ENTREP2: variants seen among roughly 807,000 people sequenced by gnomAD.
ENTREP2 encodes the protein protein ENTREP2.
At chr15:29,301,484 A>G in the ENTREP2 span, among the ~76,000 whole-genome samples, 3 of 152,252 alleles carry the variant, frequency 2.0e-5, no homozygotes, top group African/African-American at 4.8e-5. Context: ...AATAGGCAGT[A>G]TAACAGAGTT....
At chr15:29,261,786 A>G in the ENTREP2 span, among the ~76,000 whole-genome samples, 1 of 152,200 alleles carries the variant, frequency 6.6e-6, no homozygotes, top group Non-Finnish European at 1.5e-5. Flanking sequence ...AACAGATATT[A>G]GGAAATATTT....
the ENTREP2 span, among the ~76,000 whole-genome samples, chr15:29,628,214 T>C: frequency 1.3e-5 from 2 of 152,228 alleles, no homozygotes; most frequent in South Asian, 4.1e-4. Flanking sequence ...TGATCTGCAT[T>C]TCTCTAGTAA....
chr15:29,571,021 C>T, the ENTREP2 span, among the ~76,000 whole-genome samples: 3 of 145,848 alleles, frequency 2.1e-5, no homozygotes, highest in Admixed American at 2.0e-4. Flanking sequence ...AGCGCGGGCG[C>T]GAGCCGCCGC....
At chr15:29,320,635 G>C in the ENTREP2 span, among the ~76,000 whole-genome samples, 3 of 152,130 alleles carry the variant, frequency 2.0e-5, no homozygotes, top group Non-Finnish European at 4.4e-5. Flanking sequence ...GGGAAAAATG[G>C]ACAAATATGC....
At chr15:29,521,915 G>A in the ENTREP2 span, among the ~76,000 whole-genome samples, 1 of 152,098 alleles carries the variant, frequency 6.6e-6, no homozygotes. Context: ...TGTGGTGTTG[G>A]CATCAAGACA....
At chr15:29,215,681 C>T in the ENTREP2 span, among the ~76,000 whole-genome samples, 1 of 151,924 alleles carries the variant, frequency 6.6e-6, no homozygotes, top group Non-Finnish European at 1.5e-5. Flanking sequence ...ACTGCTGCTG[C>T]TTTAAAGTTT....
At chr15:29,514,714 GAAC>G in the ENTREP2 span, among the ~76,000 whole-genome samples, 8 of 152,234 alleles carry the variant, frequency 5.3e-5, no homozygotes, top group Non-Finnish European at 8.8e-5. Context: ...TGCATTTTCA[GAAC>G]AACTCCCACA....
the ENTREP2 span, among the ~76,000 whole-genome samples, chr15:29,511,528 G>A: frequency 6.6e-6 from 1 of 150,716 alleles, no homozygotes; most frequent in Non-Finnish European, 1.5e-5. Flanking sequence ...TTTTAGTAGA[G>A]TTGGAGAGGC....
chr15:29,416,974 T>A, the ENTREP2 span, among the ~76,000 whole-genome samples: 3 of 152,142 alleles, frequency 2.0e-5, no homozygotes, highest in Non-Finnish European at 4.4e-5. Context: ...AGGATGGCGA[T>A]CATTAAAAAG....
chr15:29,302,523 A>G, the ENTREP2 span, among the ~76,000 whole-genome samples: 1 of 152,222 alleles, frequency 6.6e-6, no homozygotes, highest in South Asian at 2.1e-4. Flanking sequence ...TAACAGCGAG[A>G]GTACTTTATA....
At chr15:29,552,856 GA>G in the ENTREP2 span, among the ~76,000 whole-genome samples, 1 of 152,128 alleles carries the variant, frequency 6.6e-6, no homozygotes, top group Non-Finnish European at 1.5e-5. Flanking sequence ...CAGCTGAAAA[GA>G]CCCCACTCAC....
chr15:29,394,826 T>C, the ENTREP2 span, among the ~76,000 whole-genome samples: 1 of 151,642 alleles, frequency 6.6e-6, no homozygotes, highest in Non-Finnish European at 1.5e-5. Flanking sequence ...GACAGGCTTC[T>C]ATCACTTAGG....
At chr15:29,295,504 G>A in the ENTREP2 span, among the ~76,000 whole-genome samples, 2 of 152,198 alleles carry the variant, frequency 1.3e-5, no homozygotes, top group South Asian at 2.1e-4. Context: ...CAGTGGATAC[G>A]TGAAACTGCA....
At chr15:29,468,886 CA>C in the ENTREP2 span, among the ~76,000 whole-genome samples, 8 of 151,812 alleles carry the variant, frequency 5.3e-5, no homozygotes, top group East Asian at 9.7e-4. Context: ...TGTGGAGCTA[CA>C]AAAAAAATAT....
At chr15:29,290,962 C>A in the ENTREP2 span, among the ~76,000 whole-genome samples, 1 of 152,132 alleles carries the variant, frequency 6.6e-6, no homozygotes, top group African/African-American at 2.4e-5. Flanking sequence ...CATGTGCCCC[C>A]CTGCAGTTCC....
the ENTREP2 span, among the ~76,000 whole-genome samples, chr15:29,278,658 CCAA>C: frequency 6.6e-6 from 1 of 152,166 alleles, no homozygotes; most frequent in African/African-American, 2.4e-5. Flanking sequence ...TCAGTGACTC[CCAA>C]CAACATGACT....
At chr15:29,602,910 G>A in the ENTREP2 span, among the ~76,000 whole-genome samples, 1 of 152,148 alleles carries the variant, frequency 6.6e-6, no homozygotes, top group East Asian at 1.9e-4. Context: ...AGGTTTTCCA[G>A]GCCAAGAGAA....
the ENTREP2 span, among the ~76,000 whole-genome samples, chr15:29,260,224 A>G: frequency 6.6e-6 from 1 of 152,220 alleles, no homozygotes; most frequent in Non-Finnish European, 1.5e-5. Context: ...TTCCTAACTC[A>G]TTTCATGAGG....
At chr15:29,321,377 C>T in the ENTREP2 span, among the ~76,000 whole-genome samples, 38 of 152,146 alleles carry the variant, frequency 2.5e-4, no homozygotes, top group African/African-American at 8.4e-4. Flanking sequence ...AGGCTGGGCG[C>T]GGTGGCTCAT....
Sources: gnomAD v4.1 joint callset for allele counts (sites outside exome capture counted in the v4.1 genomes callset) on GRCh38, gnomAD v4.1.1 for gene constraint, MANE v1.5 for transcripts, NCBI Gene and HGNC (gene_info 2026-07-23, HGNC 2026-07-21) for gene names.